ZNF365: variants seen among roughly 807,000 people sequenced by gnomAD.
ZNF365 encodes the protein protein ZNF365.
In ZNF365, 22 loss-of-function variants were observed where a neutral mutation model predicts 35.0. That is an observed-to-expected ratio of 0.63 (90% CI 0.45 to 0.90). The LOEUF is 0.90. Among genes scored for constraint, ZNF365 ranks in the 40% least tolerant of loss-of-function variants. ZNF365 has a pLI of 0.00. For synonymous variants in ZNF365, 188 were observed against 196.2 expected, an observed-to-expected ratio of 0.96 and a Z score of 0.35; for missense variants, 448 against 500.3, an observed-to-expected ratio of 0.90 and a Z score of 1.00.
intron 3 of ZNF365, among the ~76,000 whole-genome samples, chr10:62,416,608 C>T (rs998060794): frequency 3.0e-4 from 45 of 151,994 alleles, no homozygotes; most frequent in Admixed American, 2.2e-3. Flanking sequence ...CTTATTGAGG[C>T]GGAGAGAGTT....
At position 62,412,902 on chromosome 10, in the gene ZNF365, G is replaced by A. The variant is rs958296016; in HGVS notation, c.924+24326G>A. ...ACAAAACTGCCATTGAGCCCCATCTGATCTGAATGCTCTTCCTTAAATGAA... is the reference window on the plus strand; with the variant it reads ...ACAAAACTGCCATTGAGCCCCATCTAATCTGAATGCTCTTCCTTAAATGAA... On this transcript the variant is annotated intron_variant, in intron 3 of 4. Coordinates refer to the ZNF365 transcript ENST00000395255. Among the ~76,000 whole-genome samples, 3 of 152,130 alleles carry A rather than the reference G, an allele frequency of 2.0e-5. No individual in the cohort carries two copies. The South Asian group carries it at 6.2e-4, about 32-fold the overall frequency.
intron 1 of ZNF365, 78 bp downstream of exon 1, chr10:62,374,536 G>T (rs1224334917): frequency 6.6e-6 from 1 of 152,286 alleles, no homozygotes; most frequent in Admixed American, 6.5e-5. Context: ...CTGGGGAGGG[G>T]GTCCCCGAGC....
At chr10:62,384,423 C>G (rs7075904) in intron 2 of ZNF365, among the ~76,000 whole-genome samples, 47,296 of 152,092 alleles carry the variant, frequency 0.31, 7,652 homozygotes, top group Middle Eastern at 0.39. Context: ...GTTTGACTCT[C>G]TCACTACATG....
intron 4 of ZNF365, among the ~76,000 whole-genome samples, chr10:62,472,488 G>A (rs1437628160): frequency 1.3e-5 from 2 of 152,038 alleles, no homozygotes; most frequent in Non-Finnish European, 2.9e-5. Context: ...TTGAACACAG[G>A]CAACACATAG....
At chr10:62,422,974 T>C (rs1418866721) in intron 3 of ZNF365, among the ~76,000 whole-genome samples, 1 of 152,168 alleles carries the variant, frequency 6.6e-6, no homozygotes, top group African/African-American at 2.4e-5. Flanking sequence ...CCCTGATGAG[T>C]TGTCTGAGGA....
chr10:62,402,635 T>C (rs561355823), downstream of ZNF365, among the ~76,000 whole-genome samples: 21 of 152,322 alleles, frequency 1.4e-4, no homozygotes, highest in Middle Eastern at 3.4e-3. Context: ...AATTCCTATA[T>C]CTAAAAGTTA....
intron 3 of ZNF365, among the ~76,000 whole-genome samples, chr10:62,415,036 G>A (rs1425780566): frequency 1.3e-5 from 2 of 151,756 alleles, no homozygotes; most frequent in African/African-American, 4.9e-5. Flanking sequence ...TTTGTTTTTA[G>A]AGATTACGGT....
chr10:62,451,508 G>T (rs1373834097), intron 3 of ZNF365, among the ~76,000 whole-genome samples: 1 of 152,160 alleles, frequency 6.6e-6, no homozygotes, highest in Non-Finnish European at 1.5e-5. Context: ...AGAGGTTCCA[G>T]TTCCTACTCA....
At chr10:62,415,000 T>C (rs1240951784) in intron 3 of ZNF365, among the ~76,000 whole-genome samples, 1 of 151,946 alleles carries the variant, frequency 6.6e-6, no homozygotes, top group Non-Finnish European at 1.5e-5. Context: ...GATGTTACAT[T>C]TTTAAAATCT....
At chr10:62,407,656 T>G (rs562858384) in intron 3 of ZNF365, among the ~76,000 whole-genome samples, 1 of 152,328 alleles carries the variant, frequency 6.6e-6, no homozygotes, top group South Asian at 2.1e-4. Context: ...CAAACCCTGC[T>G]GTCTCAGTGT....
chr10:62,477,473 T>C (rs1157647937), intron 4 of ZNF365, among the ~76,000 whole-genome samples: 1 of 152,212 alleles, frequency 6.6e-6, no homozygotes, highest in East Asian at 1.9e-4. Context: ...CTTCATCCTT[T>C]AGATATGTGG....
chr10:62,459,867 G>C, intron 4 of ZNF365: 1 of 1,416,284 alleles, frequency 7.1e-7, no homozygotes, highest in Non-Finnish European at 9.8e-7. Context: ...GGGTCCATAT[G>C]AGAGAGACTG....
chr10:62,457,240 A>G (rs956612855), intron 3 of ZNF365, among the ~76,000 whole-genome samples: 1 of 152,232 alleles, frequency 6.6e-6, no homozygotes, highest in Non-Finnish European at 1.5e-5. Flanking sequence ...AGAAAGTCAC[A>G]TGACTGTACC....
chr10:62,403,236 A>G (rs1839857230), downstream of ZNF365, among the ~76,000 whole-genome samples: 1 of 152,250 alleles, frequency 6.6e-6, no homozygotes, highest in African/African-American at 2.4e-5. Context: ...AGATACAGTT[A>G]TATTCATTAA....
chr10:62,466,948 C>T (rs1840953964), intron 4 of ZNF365, among the ~76,000 whole-genome samples: 2 of 152,174 alleles, frequency 1.3e-5, no homozygotes, highest in African/African-American at 2.4e-5. Context: ...GCCACAGGTG[C>T]ATGCCACCAC....
chr10:62,435,949 G>C (rs550584521), intron 3 of ZNF365, among the ~76,000 whole-genome samples: 2 of 152,152 alleles, frequency 1.3e-5, no homozygotes, highest in Non-Finnish European at 2.9e-5. Flanking sequence ...TGACAGTTCT[G>C]TGGTATTTTG....
intron 4 of ZNF365, among the ~76,000 whole-genome samples, chr10:62,473,847 G>A (rs954233991): frequency 6.6e-6 from 1 of 152,182 alleles, no homozygotes; most frequent in Non-Finnish European, 1.5e-5. Flanking sequence ...AACTCCAGAG[G>A]TTGGTATCAG....
intron 4 of ZNF365, among the ~76,000 whole-genome samples, chr10:62,466,111 C>A (rs562138155): frequency 1.6e-4 from 25 of 152,256 alleles, no homozygotes; most frequent in Admixed American, 3.9e-4. Flanking sequence ...GCACTGCGGG[C>A]GACAAGAAGG....
chr10:62,423,484 A>C (rs3898379), intron 3 of ZNF365, among the ~76,000 whole-genome samples: 1,728 of 152,036 alleles, frequency 0.011, 45 homozygotes, highest in African/African-American at 0.039. Flanking sequence ...ATTTGGGTAC[A>C]TTCAATCATT....
Sources: allele counts gnomAD v4.1 joint callset (sites outside exome capture counted in the v4.1 genomes callset), GRCh38; gene constraint gnomAD v4.1.1; transcripts MANE v1.5; gene names NCBI Gene and HGNC (gene_info 2026-07-23, HGNC 2026-07-21).